KLF8: variants seen among roughly 807,000 people sequenced by gnomAD.
The protein encoded by KLF8 is KLF transcription factor 8.
Under a neutral mutation model 18.2 loss-of-function variants are expected in KLF8, and 10 were observed. That is an observed-to-expected ratio of 0.55 (90% CI 0.34 to 0.93). The LOEUF is 0.93. Ranked by LOEUF, KLF8 falls within the 40% of genes least tolerant of loss-of-function variation. KLF8 has a pLI of 0.02. For synonymous variants in KLF8, 109 were observed against 97.3 expected, an observed-to-expected ratio of 1.12 and a Z score of -0.71; for missense variants, 264 against 277.9, an observed-to-expected ratio of 0.95 and a Z score of 0.36.
At chrX:56,074,642 T>C in the KLF8 span, 4 of 146,766 alleles carry the variant, frequency 2.7e-5, no homozygotes, top group Non-Finnish European at 5.4e-5. Context: ...AATTCAGTGG[T>C]CTATATATTT....
the KLF8 span, chrX:55,962,167 T>A: frequency 6.4e-6 from 1 of 155,894 alleles, no homozygotes; most frequent in Non-Finnish European, 1.2e-5. Flanking sequence ...GGAGCCCAGA[T>A]TGCTTCTACC....
the KLF8 span, among the ~76,000 whole-genome samples, chrX:55,947,677 C>T: frequency 2.7e-5 from 3 of 110,983 alleles, no homozygotes; most frequent in Admixed American, 9.6e-5. Flanking sequence ...TGTTGGGGAT[C>T]AGAGCAGAAT....
At position 56,233,138 on chromosome X, in the gene KLF8, A is replaced by G; in HGVS notation, c.-197A>G. 1 of 473,050 alleles carries G rather than the reference A, an allele frequency of 2.1e-6. No individual in the cohort carries two copies. The highest frequency in any genetic ancestry group is 3.7e-6 in the Non-Finnish European group (1 of 269,770). The allele number at this position is 473,050 out of a possible 1,213,427, so 39.0% of individuals were successfully genotyped here. ...TCTGAATCGACTCCCTCCCCTTTCGACCCCCTCCTCATTTTCCAGCCCGGA... is the reference window on the plus strand; with the variant it reads ...TCTGAATCGACTCCCTCCCCTTTCGGCCCCCTCCTCATTTTCCAGCCCGGA... On this transcript the variant is annotated 5_prime_UTR_variant, in exon 1 of 6. Transcript: ENST00000468660.
upstream of KLF8, among the ~76,000 whole-genome samples, chrX:56,227,826 G>A (rs891564022): frequency 4.8e-5 from 5 of 104,824 alleles, no homozygotes; most frequent in Non-Finnish European, 9.7e-5. Flanking sequence ...TGGTATCTAG[G>A]GTCTAAAATG....
chrX:56,038,322 C>T, the KLF8 span, among the ~76,000 whole-genome samples: 2 of 111,717 alleles, frequency 1.8e-5, no homozygotes, highest in East Asian at 2.8e-4. Context: ...ATGCCATCAC[C>T]TAGATATTAA....
the KLF8 span, among the ~76,000 whole-genome samples, chrX:56,196,057 T>A: frequency 9.0e-6 from 1 of 111,556 alleles, no homozygotes; most frequent in Non-Finnish European, 1.9e-5. Flanking sequence ...CCACCAGGAC[T>A]GCCTTCAAGA....
At chrX:56,132,346 T>G in the KLF8 span, among the ~76,000 whole-genome samples, 1 of 111,148 alleles carries the variant, frequency 9.0e-6, no homozygotes, top group South Asian at 3.8e-4. Context: ...TTCAAGACCA[T>G]GAAAATACAT....
the KLF8 span, among the ~76,000 whole-genome samples, chrX:56,171,449 G>T: frequency 1.8e-5 from 2 of 111,547 alleles, no homozygotes; most frequent in Non-Finnish European, 3.8e-5. Context: ...ATGTAAACAT[G>T]TGCCATGTTG....
chrX:56,228,445 A>C (rs1402837168), upstream of KLF8, among the ~76,000 whole-genome samples: 1 of 111,997 alleles, frequency 8.9e-6, no homozygotes, highest in East Asian at 2.8e-4. Context: ...AGCTTCATTA[A>C]TTTTACTGTA....
the KLF8 span, among the ~76,000 whole-genome samples, chrX:56,171,697 T>C: frequency 8.9e-6 from 1 of 111,812 alleles, no homozygotes; most frequent in Non-Finnish European, 1.9e-5. Context: ...ACAAAGGACA[T>C]GAACTCATCC....
At chrX:56,248,952 T>C (rs909980439) in intron 1 of KLF8, among the ~76,000 whole-genome samples, 3 of 111,723 alleles carry the variant, frequency 2.7e-5, no homozygotes, top group Non-Finnish European at 5.6e-5. Flanking sequence ...CCTTCGAAAA[T>C]GTGATTAAAC....
At chrX:56,041,769 A>G in the KLF8 span, among the ~76,000 whole-genome samples, 1 of 110,979 alleles carries the variant, frequency 9.0e-6, no homozygotes, top group Non-Finnish European at 1.9e-5. Flanking sequence ...AGCTCACTGC[A>G]ACCTCCACCT....
chrX:55,930,229 A>G, the KLF8 span, among the ~76,000 whole-genome samples: 3 of 111,708 alleles, frequency 2.7e-5, no homozygotes, highest in African/African-American at 9.8e-5. Context: ...TTGCACATTG[A>G]TTTTTTATCC....
At chrX:56,014,465 A>T in the KLF8 span, among the ~76,000 whole-genome samples, 1 of 112,347 alleles carries the variant, frequency 8.9e-6, no homozygotes, top group Non-Finnish European at 1.9e-5. Flanking sequence ...ATTATTAAAA[A>T]GTCAAGAAAC....
At chrX:56,009,417 C>CA in the KLF8 span, among the ~76,000 whole-genome samples, 22 of 105,320 alleles carry the variant, frequency 2.1e-4, no homozygotes, top group South Asian at 4.1e-4. Flanking sequence ...ACATCATCAA[C>CA]AAAAAAAAAA....
chrX:55,941,187 A>G, the KLF8 span, among the ~76,000 whole-genome samples: 1 of 112,052 alleles, frequency 8.9e-6, no homozygotes, highest in Non-Finnish European at 1.9e-5. Context: ...AACCAATGTA[A>G]CAGAACAGAG....
chrX:55,949,529 C>G, the KLF8 span, among the ~76,000 whole-genome samples: 1 of 110,992 alleles, frequency 9.0e-6, no homozygotes, highest in African/African-American at 3.3e-5. Flanking sequence ...CATGGTGGCT[C>G]ACGCCTGTAA....
the KLF8 span, among the ~76,000 whole-genome samples, chrX:55,938,712 A>C: frequency 9.0e-6 from 1 of 110,613 alleles, no homozygotes; most frequent in East Asian, 2.8e-4. Context: ...AAAAAAAGAC[A>C]GGGGTTGCAA....
At chrX:56,222,687 G>T in the KLF8 span, among the ~76,000 whole-genome samples, 1 of 112,931 alleles carries the variant, frequency 8.9e-6, no homozygotes, top group Non-Finnish European at 1.9e-5. Flanking sequence ...GGGCCGCGCA[G>T]GAGCCCACCG....
Sources: gnomAD v4.1 joint callset for allele counts (sites outside exome capture counted in the v4.1 genomes callset) on GRCh38, gnomAD v4.1.1 for gene constraint, MANE v1.5 for transcripts, NCBI Gene and HGNC (gene_info 2026-07-23, HGNC 2026-07-21) for gene names.